DYM: variants seen among roughly 807,000 people sequenced by gnomAD.
DYM encodes the protein dyggve-Melchior-Clausen syndrome protein.
In DYM, 78 loss-of-function variants were observed where a neutral mutation model predicts 93.1. The observed-to-expected ratio is 0.84, with a 90% CI of 0.70 to 1.01. The LOEUF (loss-of-function observed/expected upper bound fraction) is 1.01. Among genes scored for constraint, DYM ranks in the 50% least tolerant of loss-of-function variants. The pLI is 0.00. For synonymous variants in DYM, 321 were observed against 319.7 expected, an observed-to-expected ratio of 1.00 and a Z score of -0.04; for missense variants, 789 against 845.0, an observed-to-expected ratio of 0.93 and a Z score of 0.82.
At chr18:49,210,623 G>A (rs1045258762) in intron 13 of DYM, among the ~76,000 whole-genome samples, 1 of 152,144 alleles carries the variant, frequency 6.6e-6, no homozygotes, top group Non-Finnish European at 1.5e-5. Context: ...TATAATGGTG[G>A]ATACATACAT....
At chr18:49,161,610 G>A (rs1211657218) in intron 15 of DYM, among the ~76,000 whole-genome samples, 1 of 152,202 alleles carries the variant, frequency 6.6e-6, no homozygotes. Context: ...GGTATGGCAA[G>A]TGTAGAATTA....
chr18:49,234,595 A>G (rs1389262268), intron 13 of DYM, among the ~76,000 whole-genome samples: 2 of 152,194 alleles, frequency 1.3e-5, no homozygotes, highest in African/African-American at 4.8e-5. Flanking sequence ...GGTGCATCTG[A>G]AAAGAGTGTG....
intron 1 of DYM, among the ~76,000 whole-genome samples, chr18:49,438,774 C>T (rs1332638927): frequency 3.3e-5 from 5 of 152,162 alleles, no homozygotes; most frequent in African/African-American, 1.2e-4. Context: ...CTGAGGCACT[C>T]TTGCCAGAAA....
At chr18:49,202,334 G>A (rs560830170) in intron 14 of DYM, among the ~76,000 whole-genome samples, 8 of 151,898 alleles carry the variant, frequency 5.3e-5, no homozygotes, top group Non-Finnish European at 1.0e-4. Flanking sequence ...GCGTGATCTC[G>A]GCTCACTACA....
At chr18:49,154,382 T>C (rs969687470) in intron 15 of DYM, among the ~76,000 whole-genome samples, 3 of 152,118 alleles carry the variant, frequency 2.0e-5, no homozygotes, top group African/African-American at 7.2e-5. Flanking sequence ...TTGGGTGAAG[T>C]ATATATGAAA....
At chr18:49,107,056 A>G (rs2080891754) in intron 16 of DYM, among the ~76,000 whole-genome samples, 1 of 152,202 alleles carries the variant, frequency 6.6e-6, no homozygotes, top group Non-Finnish European at 1.5e-5. Flanking sequence ...TCAGACGTAG[A>G]TTCGGTCTTT....
intron 15 of DYM, among the ~76,000 whole-genome samples, chr18:49,153,660 A>G (rs1219546419): frequency 1.3e-5 from 2 of 152,208 alleles, no homozygotes; most frequent in African/African-American, 4.8e-5. Context: ...ACAAGGATCC[A>G]TGTGTCCAAA....
intron 14 of DYM, among the ~76,000 whole-genome samples, chr18:49,183,657 C>G (rs2090142692): frequency 6.6e-6 from 1 of 152,096 alleles, no homozygotes; most frequent in African/African-American, 2.4e-5. Context: ...AGCGTAGTGC[C>G]TGTACATTTA....
At chr18:49,112,408 T>C (rs939525595) in intron 16 of DYM, among the ~76,000 whole-genome samples, 8 of 152,104 alleles carry the variant, frequency 5.3e-5, no homozygotes, top group Non-Finnish European at 1.2e-4. Flanking sequence ...TTTTACCCAC[T>C]TGTATGGTGG....
chr18:49,450,840 T>G (rs550909627), intron 1 of DYM, among the ~76,000 whole-genome samples: 2 of 152,370 alleles, frequency 1.3e-5, no homozygotes, highest in South Asian at 4.1e-4. Context: ...AATTTTGTCA[T>G]GCACAGACAA....
At chr18:49,214,609 G>A (rs1244792664) in intron 13 of DYM, among the ~76,000 whole-genome samples, 1 of 151,914 alleles carries the variant, frequency 6.6e-6, no homozygotes, top group Admixed American at 6.6e-5. Flanking sequence ...TATGATAAAG[G>A]TGGAAGAGGG....
At chr18:49,125,972 C>T (rs1022451095) in intron 15 of DYM, among the ~76,000 whole-genome samples, 1 of 152,210 alleles carries the variant, frequency 6.6e-6, no homozygotes, top group Non-Finnish European at 1.5e-5. Context: ...AAAGCCTTCT[C>T]ATCATTTTAT....
chr18:49,045,801 G>T lies in DYM; in HGVS notation c.2026-1597C>A, dbSNP rs550351153. Among the ~76,000 whole-genome samples, 241 of 152,298 alleles carry T rather than the reference G, an allele frequency of 1.6e-3. 1 individual carries two copies. The highest frequency in any genetic ancestry group is 5.4e-3 in the African/African-American group (225 of 41,566). On this transcript the variant is annotated intron_variant, in intron 17 of 17. Transcript: ENST00000675505. The stretch of plus-strand genomic sequence containing the variant: ...GGGTGTGAGGCTGGAGGCTAAGGAG[G>T]GGGTGGGGGAAGAGCACACACCGGG...
At chr18:49,345,216 G>A (rs1352884342) in intron 6 of DYM, among the ~76,000 whole-genome samples, 1 of 151,998 alleles carries the variant, frequency 6.6e-6, no homozygotes, top group Non-Finnish European at 1.5e-5. Flanking sequence ...CAAAGAGAAG[G>A]GGGAAAAAAT....
intron 1 of DYM, among the ~76,000 whole-genome samples, chr18:49,459,574 C>T (rs907970558): frequency 5.9e-5 from 9 of 152,010 alleles, no homozygotes; most frequent in Non-Finnish European, 1.3e-4. Flanking sequence ...AGCACATCAC[C>T]CTTGCTCTAC....
At chr18:49,054,005 C>T (rs2075255587) in intron 17 of DYM, among the ~76,000 whole-genome samples, 2 of 152,042 alleles carry the variant, frequency 1.3e-5, no homozygotes, top group Non-Finnish European at 2.9e-5. Flanking sequence ...AATACTGGGG[C>T]CAGGAGGTTT....
chr18:49,091,429 A>G (rs2079041427), intron 17 of DYM, among the ~76,000 whole-genome samples: 1 of 152,192 alleles, frequency 6.6e-6, no homozygotes. Flanking sequence ...ATGAGAGTAA[A>G]GACTTGAAGG....
At position 49,199,032 on chromosome 18, in the gene DYM, G is replaced by A. The variant is rs138434289; in HGVS notation, c.1625+10519C>T. On this transcript the variant is annotated intron_variant, in intron 14 of 17. Coordinates refer to ENST00000675505, the MANE Select transcript of DYM (RefSeq NM_001353214.3). ...AGAAAATGTGGCACATATACACCATGGAATACTATGTGGCCATAAAAAAGG... is the reference window on the plus strand; with the variant it reads ...AGAAAATGTGGCACATATACACCATAGAATACTATGTGGCCATAAAAAAGG... Among the ~76,000 whole-genome samples, 456 of 152,308 alleles carry A rather than the reference G, an allele frequency of 3.0e-3. 3 individuals carry two copies. The highest frequency in any genetic ancestry group is 0.01 in the African/African-American group (422 of 41,554).
At chr18:49,457,302 C>G (rs1305041772) in intron 1 of DYM, among the ~76,000 whole-genome samples, 2 of 152,138 alleles carry the variant, frequency 1.3e-5, no homozygotes, top group Non-Finnish European at 2.9e-5. Flanking sequence ...ATCATTGCCC[C>G]CAGCGTGTCC....
Sources: gnomAD v4.1 joint callset for allele counts (sites outside exome capture counted in the v4.1 genomes callset) on GRCh38, gnomAD v4.1.1 for gene constraint, MANE v1.5 for transcripts, NCBI Gene and HGNC (gene_info 2026-07-23, HGNC 2026-07-21) for gene names.